PHF2: variants seen among roughly 807,000 people sequenced by gnomAD.
PHF2 encodes PHD finger protein 2.
Under a neutral mutation model 120.5 loss-of-function variants are expected in PHF2, and 27 were observed. That is an observed-to-expected ratio of 0.22 (90% confidence interval 0.17 to 0.31). The LOEUF is 0.31. Among genes scored for constraint, PHF2 ranks in the 10% least tolerant of loss-of-function variants. The pLI is 1.00. For missense variants in PHF2, 1,024 were observed against 1,434.8 expected (o/e 0.71, Z 4.63); for synonymous variants, 568 against 592.5 (o/e 0.96, Z 0.60).
chr9:93,644,777 G>C (rs1434769411), intron 3 of PHF2, among the ~76,000 whole-genome samples: 1 of 152,118 alleles, frequency 6.6e-6, no homozygotes, highest in African/African-American at 2.4e-5. Context: ...GGGTCCAGCT[G>C]TATGGCCTTG....
At chr9:93,621,978 A>G (rs1327586543) in intron 1 of PHF2, among the ~76,000 whole-genome samples, 1 of 152,106 alleles carries the variant, frequency 6.6e-6, no homozygotes, top group Admixed American at 6.5e-5. Context: ...GATGTTGTTC[A>G]TTGGGGACGT....
rs375287300 is a variant in PHF2, at chr9:93,645,819, G to A, written c.460+30G>A. On this transcript the variant is annotated intron_variant, in intron 4 of 21. Coordinates refer to ENST00000359246, the MANE Select transcript of PHF2 (RefSeq NM_005392.4). ...GCGCCATCCCCTTCACAGTGCTCTG[G>A]GGCTGGAGCTGGGAGTGCTGGGACA... 3.9e-6 allele frequency: 6 copies of A among 1,540,172 alleles called. No individual in the cohort carries two copies. In the South Asian group the frequency reaches 4.9e-5, roughly 13 times the overall value.
chr9:93,608,521 T>C (rs1004922985), intron 1 of PHF2, among the ~76,000 whole-genome samples: 1 of 152,120 alleles, frequency 6.6e-6, no homozygotes, highest in African/African-American at 2.4e-5. Context: ...AAAGTTGATA[T>C]AATTTATCCC....
At chr9:93,610,740 G>A (rs1825620083) in intron 1 of PHF2, among the ~76,000 whole-genome samples, 1 of 152,170 alleles carries the variant, frequency 6.6e-6, no homozygotes, top group South Asian at 2.1e-4. Flanking sequence ...AGGTCACCTG[G>A]AGTATCTGTA....
intron 14 of PHF2, among the ~76,000 whole-genome samples, chr9:93,665,189 A>G (rs1211427503): frequency 6.6e-6 from 1 of 152,026 alleles, no homozygotes; most frequent in Non-Finnish European, 1.5e-5. Flanking sequence ...CAACATAGCT[A>G]TGGAGAAAAA....
chr9:93,674,932 C>T lies in PHF2; in HGVS notation c.2632C>T (p.Pro878Ser), dbSNP rs1458966657. The change falls in exon 19 of 22, where the codon CCC (proline) becomes TCC (serine). Residue 878 changes from proline to serine, a missense_variant. Around this residue, in one of 2 missense-constraint regions of PHF2, gnomAD observed 677 missense variants for 857.4 expected, o/e 0.79. Coordinates refer to ENST00000359246, the MANE Select transcript of PHF2 (RefSeq NM_005392.4). Reference protein sequence around the residue: ...ACFKDSDYVYPSLESDEDNPI... With the variant: ...ACFKDSDYVYSSLESDEDNPI... ...TTCCCTCTGCCTCCCTCTAGTTTAC[C>T]CCTCACTGGAGTCAGATGAAGACAA... The T allele has an allele frequency of 6.2e-7, 1 of 1,613,056 alleles. No individual in the cohort carries two copies. The highest frequency in any genetic ancestry group is 8.5e-7 in the Non-Finnish European group (1 of 1,179,358).
rs1016990470 is a variant in PHF2, at chr9:93,617,962, A to G, written c.99-12008A>G. On this transcript the variant is annotated intron_variant, in intron 1 of 21. Coordinates refer to ENST00000359246, the MANE Select transcript of PHF2 (RefSeq NM_005392.4). ...ACTCAAATGTTAATCTCCTTTGGCAACATCCTCACAGACACATCCAGGATC... is the reference window on the plus strand; with the variant it reads ...ACTCAAATGTTAATCTCCTTTGGCAGCATCCTCACAGACACATCCAGGATC... 9.8e-5 allele frequency among the ~76,000 whole-genome samples: 15 copies of G among 152,358 alleles called. No homozygotes were observed. In the South Asian group the frequency reaches 1.0e-3, roughly 11 times the overall value.
At chr9:93,598,920 T>C (rs1825381665) in intron 1 of PHF2, among the ~76,000 whole-genome samples, 1 of 152,232 alleles carries the variant, frequency 6.6e-6, no homozygotes, top group Non-Finnish European at 1.5e-5. Flanking sequence ...CGTTATGGGC[T>C]TCCCACTGAG....
intron 1 of PHF2, among the ~76,000 whole-genome samples, chr9:93,605,712 G>C (rs898726227): frequency 6.6e-6 from 1 of 152,156 alleles, no homozygotes; most frequent in African/African-American, 2.4e-5. Flanking sequence ...ATACGTTTAA[G>C]ACTCTTCATG....
intron 3 of PHF2, 52 bp downstream of exon 3, chr9:93,636,577 T>A: frequency 8.1e-7 from 1 of 1,237,392 alleles, no homozygotes; most frequent in Non-Finnish European, 1.2e-6. Flanking sequence ...GGATGCACAC[T>A]CTCTCCGTCC....
intron 13 of PHF2, 26 bp downstream of exon 13, chr9:93,663,052 A>C (rs1285341462): frequency 6.2e-7 from 1 of 1,613,472 alleles, no homozygotes; most frequent in Admixed American, 1.7e-5. Context: ...ATGCATGCAC[A>C]CGTGTGTGTG....
chr9:93,607,981 A>G, intron 1 of PHF2, among the ~76,000 whole-genome samples: 3 of 139,040 alleles, frequency 2.2e-5, no homozygotes, highest in Admixed American at 7.2e-5. Context: ...GATGAGAGAG[A>G]GACGGAGGGA....
intron 17 of PHF2, chr9:93,672,599 G>A: frequency 1.0e-6 from 1 of 984,776 alleles, no homozygotes. Context: ...TGTAGATGGA[G>A]GTGTGGGTAT....
At chr9:93,666,958 T>G in intron 16 of PHF2, 122 bp from the exon 17 acceptor site, 1 of 504,060 alleles carries the variant, frequency 2.0e-6, no homozygotes, top group South Asian at 1.0e-4. Flanking sequence ...AAAAATAAAA[T>G]AAATAAAAAT....
chr9:93,652,795 C>T (rs1297560968), intron 5 of PHF2, among the ~76,000 whole-genome samples: 1 of 152,152 alleles, frequency 6.6e-6, no homozygotes, highest in Non-Finnish European at 1.5e-5. Flanking sequence ...GCCAGAGGTG[C>T]CGGGCTGAGT....
intron 1 of PHF2, among the ~76,000 whole-genome samples, chr9:93,599,378 A>G (rs1171994218): frequency 6.6e-6 from 1 of 152,112 alleles, no homozygotes; most frequent in East Asian, 1.9e-4. Flanking sequence ...CCTCTCAATT[A>G]CCACAGGCCA....
At chr9:93,649,237 TGGG>T (rs1564394092) in intron 5 of PHF2, 25 bp downstream of exon 5, 1 of 957,194 alleles carries the variant, frequency 1.0e-6, no homozygotes, top group Admixed American at 2.3e-5. Context: ...CCTGGGGGTG[TGGG>T]GGCTGGGGTT....
intron 1 of PHF2, among the ~76,000 whole-genome samples, chr9:93,611,879 A>G (rs1160989209): frequency 2.0e-5 from 3 of 152,178 alleles, no homozygotes; most frequent in Non-Finnish European, 2.9e-5. Flanking sequence ...AAAATATTCA[A>G]TAATAAAAAA....
rs67001312 is a variant in PHF2 at position 93,602,247 on chromosome 9, C to CTTTTTTTTTTTTTTTTTTTT, written c.98+25380_98+25399dup. Among the ~76,000 whole-genome samples the CTTTTTTTTTTTTTTTTTTTT allele has an allele frequency of 3.8e-5, 3 of 79,670 alleles. 1 individual carries two copies. The highest frequency in any genetic ancestry group is 5.3e-5 in the African/African-American group (1 of 18,704). 52.3% of individuals were successfully genotyped at this position (79,670 alleles called of 152,430 possible). A position where few individuals can be genotyped will look rare whatever the true frequency, so the allele number is the denominator to read the frequency against. On this transcript the variant is annotated intron_variant, in intron 1 of 21. Coordinates refer to ENST00000359246, the MANE Select transcript of PHF2 (RefSeq NM_005392.4). Reference sequence around the variant, plus strand: ...AAGTCATTTTGCATTCCTAGAGATTCTTTTTTTTTTTTTTTTTTTTTTTGA... The same window carrying CTTTTTTTTTTTTTTTTTTTT: ...AAGTCATTTTGCATTCCTAGAGATTCTTTTTTTTTTTTTTTTTTTTTTTTTTTTTTTTTTTTTTTTTTTGA...
Sources: allele counts gnomAD v4.1 joint callset (sites outside exome capture counted in the v4.1 genomes callset), GRCh38; gene constraint gnomAD v4.1.1; regional missense constraint gnomAD v4.1.1; transcripts MANE v1.5; gene names NCBI Gene and HGNC (gene_info 2026-07-23, HGNC 2026-07-21).